Variants in MGST1 observed in about 807,000 individuals in gnomAD.
MGST1 encodes the protein glutathione S-transferase 12.
In MGST1, 5 loss-of-function variants were observed where a neutral mutation model predicts 8.9. The observed-to-expected ratio is 0.56, with a 90% confidence interval of 0.29 to 1.19. MGST1 has a LOEUF of 1.19. Ranked by LOEUF, MGST1 falls within the 50% of genes most tolerant of loss-of-function variation. The pLI, the probability that MGST1 is intolerant of heterozygous loss-of-function variation, is 0.08. For synonymous variants in MGST1, 54 were observed against 67.8 expected (o/e 0.80, Z 1.00); for missense variants, 182 against 187.4 (o/e 0.97, Z 0.17).
chr12:16,378,579 A>G (rs1418336613), downstream of MGST1, among the ~76,000 whole-genome samples: 77 of 150,766 alleles, frequency 5.1e-4, no homozygotes, highest in Non-Finnish European at 7.4e-5. Context: ...GTCAGGTAGC[A>G]TGATGCCTCC....
Position 16,513,909 on chromosome 12 carries a change from A to G in MGST1, n.483-75619A>G. ...TCTTCAGGGATACTGGCATGCAGCTACAAGGTTATCGATACTATGACCGCA... is the reference window on the plus strand; with the variant it reads ...TCTTCAGGGATACTGGCATGCAGCTGCAAGGTTATCGATACTATGACCGCA... On this transcript the variant is annotated intron_variant and non_coding_transcript_variant, in intron 4 of 4. Transcript: ENST00000538857. This position sits in a 1 kb window ranked among gnomAD's most constrained non-coding sequence, Gnocchi z 4.2. 1 of 592,166 alleles carries G rather than the reference A, an allele frequency of 1.7e-6. No homozygotes were observed. Among genetic ancestry groups the G allele is most frequent in the Non-Finnish European group, 3.3e-6 (1 of 306,320 alleles). 36.7% of individuals were successfully genotyped at this position (592,166 alleles called of 1,614,324 possible).
At chr12:16,357,428 A>C in intron 2 of MGST1, 177 bp from the exon 3 acceptor site, 1 of 542,840 alleles carries the variant, frequency 1.8e-6, no homozygotes, top group Non-Finnish European at 3.3e-6. Flanking sequence ...ACTACCATGC[A>C]AAATTTTTTT....
At chr12:16,590,039 A>T (rs963679489), downstream of MGST1, among the ~76,000 whole-genome samples, 8 of 152,152 alleles carry the variant, frequency 5.3e-5, no homozygotes, top group Non-Finnish European at 1.2e-4. Flanking sequence ...ATAGCTTCTT[A>T]GCCAAGTATG....
downstream of MGST1, among the ~76,000 whole-genome samples, chr12:16,365,180 T>G (rs1940163188): frequency 1.3e-5 from 2 of 152,128 alleles, no homozygotes; most frequent in African/African-American, 4.8e-5. Flanking sequence ...ATATCCTGTC[T>G]CCCCACAAAC....
Position 16,537,568 on chromosome 12 carries a change from T to C in MGST1, n.483-51960T>C, listed in dbSNP as rs1407268200. ...TGAGGGCCCTGCCTCTGCAGCACAC[T>C]TTTGCCTGGACATTCAGGCATTTCC... On this transcript the variant is annotated intron_variant and non_coding_transcript_variant, in intron 4 of 4. Transcript: ENST00000538857. This position sits in a 1 kb window ranked among gnomAD's most constrained non-coding sequence, Gnocchi z 4.6. Among the ~76,000 whole-genome samples, 1 of 152,224 alleles carries C rather than the reference T, an allele frequency of 6.6e-6. No homozygotes were observed. The highest frequency in any genetic ancestry group is 1.5e-5 in the Non-Finnish European group (1 of 68,032).
At chr12:16,440,418 G>T (rs1941029311), downstream of MGST1, among the ~76,000 whole-genome samples, 1 of 151,700 alleles carries the variant, frequency 6.6e-6, no homozygotes, top group African/African-American at 2.4e-5. Flanking sequence ...GCCACTAGAG[G>T]TAACTTCTTT....
chr12:16,503,322 C>T lies in MGST1; in HGVS notation n.483-86206C>T, dbSNP rs1426309176. ...TTTCTACTTTTTCCCTCATTCTTAG[C>T]TTGGCTTCACTCATAAATGTTATTT... On this transcript the variant is annotated intron_variant and non_coding_transcript_variant, in intron 4 of 4. Coordinates refer to the MGST1 transcript ENST00000538857. This position sits in a 1 kb window ranked among gnomAD's most constrained non-coding sequence, Gnocchi z 4.8. Among the ~76,000 whole-genome samples the T allele has an allele frequency of 6.6e-6, 1 of 152,106 alleles. No homozygotes were observed. The highest frequency in any genetic ancestry group is 1.5e-5 in the Non-Finnish European group (1 of 68,032).
intron 1 of MGST1, among the ~76,000 whole-genome samples, chr12:16,394,536 TTCTTTCTTTCTTTC>T (rs796705247): frequency 0.15 from 11,208 of 73,778 alleles, 796 homozygotes; most frequent in East Asian, 0.54. Flanking sequence ...CTTTCTTTCT[TTCTTTCTTTCTTTC>T]TTTCTTTCTT....
Position 16,364,363 on chromosome 12 carries a change from A to G in MGST1, c.*322A>G, listed in dbSNP as rs984311822. On this transcript the variant is annotated 3_prime_UTR_variant, in exon 4 of 4. Transcript: ENST00000396210. This position sits in a 1 kb window ranked among gnomAD's most constrained non-coding sequence, Gnocchi z 5.7. ...AGAATTGCACGTATGAGAAACCTAT[A>G]TTTCAATACTGCTGAAACAGACATG... 4.4e-5 allele frequency: 45 copies of G among 1,014,002 alleles called. No individual in the cohort carries two copies. Among genetic ancestry groups the G allele is most frequent in the Non-Finnish European group, 5.0e-5 (42 of 846,732 alleles). The allele number at this position is 1,014,002 out of a possible 1,614,324, so 62.8% of individuals were successfully genotyped here. A position where few individuals can be genotyped will look rare whatever the true frequency, so the allele number is the denominator to read the frequency against.
chr12:16,557,842 T>C (rs1159295478), intron 4 of MGST1, among the ~76,000 whole-genome samples: 2 of 152,032 alleles, frequency 1.3e-5, no homozygotes, highest in African/African-American at 4.8e-5. Context: ...ACAGTTAATA[T>C]ATCAGCTACT....
intron 4 of MGST1, among the ~76,000 whole-genome samples, chr12:16,535,191 G>A (rs1447588858): frequency 1.3e-5 from 2 of 152,214 alleles, no homozygotes; most frequent in East Asian, 3.9e-4. Context: ...CTAGCCACTA[G>A]CCCACTCTTC....
chr12:16,579,893 C>T lies in MGST1; in HGVS notation n.483-9635C>T, dbSNP rs138570500. ...TAATGATTATCCATTGTTATTTATACCCACTAGGTTTAATTGCCAACAGAG... is the reference window on the plus strand; with the variant it reads ...TAATGATTATCCATTGTTATTTATATCCACTAGGTTTAATTGCCAACAGAG... On this transcript the variant is annotated intron_variant and non_coding_transcript_variant, in intron 4 of 4. Transcript: ENST00000538857. Among the ~76,000 whole-genome samples the T allele has an allele frequency of 9.0e-3, 1,369 of 152,220 alleles. 65 individuals carry two copies. The highest frequency in any genetic ancestry group is 0.078 in the Admixed American group (1,196 of 15,288).
At chr12:16,350,043 C>A (rs1228464567) in intron 1 of MGST1, among the ~76,000 whole-genome samples, 1 of 152,164 alleles carries the variant, frequency 6.6e-6, no homozygotes, top group Non-Finnish European at 1.5e-5. Flanking sequence ...CGCGCTCGGC[C>A]CCCGCTTTTC....
At chr12:16,350,619 G>A (rs1049770476) in intron 1 of MGST1, 7 of 152,188 alleles carry the variant, frequency 4.6e-5, no homozygotes, top group Non-Finnish European at 8.8e-5. Context: ...CAGCAAACTC[G>A]TGGCAATTGA....
rs932171085 is a variant in MGST1 at position 16,497,554 on chromosome 12, T to G, written n.483-91974T>G. Among the ~76,000 whole-genome samples, 7 of 152,138 alleles carry G rather than the reference T, an allele frequency of 4.6e-5. No homozygotes were observed. Among genetic ancestry groups the G allele is most frequent in the African/African-American group, 1.7e-4 (7 of 41,448 alleles). On this transcript the variant is annotated intron_variant and non_coding_transcript_variant, in intron 4 of 4. Transcript: ENST00000538857. The surrounding 1 kb of genome is among the most constrained non-coding windows in gnomAD (Gnocchi z 4.4). ...AACAGATATTTCAATTTCTATAAATTTCATTTCATATTTTATGTCTCAGTG... is the reference window on the plus strand; with the variant it reads ...AACAGATATTTCAATTTCTATAAATGTCATTTCATATTTTATGTCTCAGTG...
intron 3 of MGST1, among the ~76,000 whole-genome samples, chr12:16,360,894 G>A (rs1474970554): frequency 1.3e-5 from 2 of 152,096 alleles, no homozygotes; most frequent in African/African-American, 2.4e-5. Flanking sequence ...AGAGATTATT[G>A]TGTATGTATC....
intron 4 of MGST1, among the ~76,000 whole-genome samples, chr12:16,529,612 C>T (rs1941710133): frequency 6.6e-6 from 1 of 152,044 alleles, no homozygotes; most frequent in Non-Finnish European, 1.5e-5. Context: ...CTCCTGGTGT[C>T]TTCCACTTAA....
intron 1 of MGST1, among the ~76,000 whole-genome samples, chr12:16,396,003 C>A (rs1196077702): frequency 6.6e-6 from 1 of 151,956 alleles, no homozygotes; most frequent in African/African-American, 2.4e-5. Flanking sequence ...GGTAGTTCTA[C>A]TTTTAGTTCT....
At chr12:16,477,985 A>G (rs1475671727) in intron 4 of MGST1, among the ~76,000 whole-genome samples, 1 of 152,160 alleles carries the variant, frequency 6.6e-6, no homozygotes, top group Non-Finnish European at 1.5e-5. Flanking sequence ...AAAAATATCC[A>G]TCTGTAGGTA....
Sources: gnomAD v4.1 joint callset for allele counts (sites outside exome capture counted in the v4.1 genomes callset) on GRCh38, gnomAD v4.1.1 for gene constraint, Gnocchi (gnomAD v3.1) non-coding constraint, MANE v1.5 for transcripts, NCBI Gene and HGNC (gene_info 2026-07-23, HGNC 2026-07-21) for gene names.